PCDH15: variants seen among roughly 807,000 people sequenced by gnomAD.
The protein encoded by PCDH15 is protocadherin-15.
PCDH15 carries 129 observed loss-of-function variants against 178.5 expected under a neutral mutation model. The ratio of observed to expected loss-of-function variants is 0.72; its 90% CI spans 0.63 to 0.84. PCDH15 has a LOEUF of 0.84. Among genes scored for constraint, PCDH15 ranks in the 40% least tolerant of loss-of-function variants. The pLI, the probability that PCDH15 is intolerant of heterozygous loss-of-function variation, is 0.00. For synonymous variants in PCDH15, 800 were observed against 732.0 expected, an observed-to-expected ratio of 1.09 and a Z score of -1.50; for missense variants, 2,230 against 2,099.9, an observed-to-expected ratio of 1.06 and a Z score of -1.21.
intron 3 of PCDH15, among the ~76,000 whole-genome samples, chr10:54,383,539 G>A (rs578085354): frequency 6.6e-6 from 1 of 151,744 alleles, no homozygotes; most frequent in South Asian, 2.1e-4. Flanking sequence ...TATACCCTCA[G>A]AATATTGCAA....
In PCDH15 at chr10:53,807,121, T is replaced by G. The variant is rs766725622; in HGVS notation, c.4681A>C (p.Lys1561Gln). Residue 1561 changes from lysine to glutamine, a missense_variant, in exon 38 of 38, where the codon AAA (lysine) becomes CAA (glutamine). Transcript: ENST00000644397. ...EEYEEEEWAR[K>Q]RMIKLVVDRE... ...TCAACAACTAACTTGATCATTCTTT[T>G]TCTTGCCCACTGATAAAATAAACAA... 6.3e-7 allele frequency: 1 copy of G among 1,592,732 alleles called. No homozygotes were observed. The highest frequency in any genetic ancestry group is 1.1e-5 in the South Asian group (1 of 87,748).
chr10:55,562,785 T>C (rs764746508), intron 2 of PCDH15, among the ~76,000 whole-genome samples: 2 of 151,974 alleles, frequency 1.3e-5, no homozygotes, highest in Non-Finnish European at 2.9e-5. Flanking sequence ...TAGACAGTGA[T>C]GTCATTCACG....
intron 7 of PCDH15, among the ~76,000 whole-genome samples, chr10:54,324,634 G>A (rs1294193856): frequency 6.6e-6 from 1 of 151,982 alleles, no homozygotes; most frequent in African/African-American, 2.4e-5. Context: ...GGGAGTGGTG[G>A]CACATGCCTG....
intron 1 of PCDH15, among the ~76,000 whole-genome samples, chr10:54,760,740 G>T (rs1405253058): frequency 6.6e-6 from 1 of 152,072 alleles, no homozygotes; most frequent in East Asian, 1.9e-4. Context: ...CAGAAAAAAT[G>T]CAAAGTTAGG....
chr10:55,483,359 A>C (rs771756786), intron 2 of PCDH15, among the ~76,000 whole-genome samples: 2 of 151,990 alleles, frequency 1.3e-5, no homozygotes, highest in Middle Eastern at 6.8e-3. Context: ...GCTAATAATT[A>C]TATTTAGAAA....
intron 20 of PCDH15, among the ~76,000 whole-genome samples, chr10:54,011,959 A>G (rs2092600620): frequency 6.6e-6 from 1 of 152,212 alleles, no homozygotes. Context: ...AATGAAAGAA[A>G]TAGAATTCAG....
At chr10:53,809,278 G>T in intron 37 of PCDH15, 1 of 1,613,938 alleles carries the variant, frequency 6.2e-7, no homozygotes, top group South Asian at 1.1e-5. Flanking sequence ...GCTTTCTGTT[G>T]CTTCCTCTTG....
chr10:54,236,184 A>G (rs1351959759), intron 9 of PCDH15, among the ~76,000 whole-genome samples: 1 of 152,214 alleles, frequency 6.6e-6, no homozygotes, highest in Non-Finnish European at 1.5e-5. Flanking sequence ...AGGCTATGCA[A>G]ATCAGCAACA....
At chr10:55,449,559 G>T (rs573681000) in intron 2 of PCDH15, among the ~76,000 whole-genome samples, 1 of 151,998 alleles carries the variant, frequency 6.6e-6, no homozygotes, top group South Asian at 2.1e-4. Context: ...AATTTTTAAA[G>T]AACTAAAACT....
chr10:54,648,550 G>A (rs1434683851), intron 2 of PCDH15, among the ~76,000 whole-genome samples: 1 of 152,120 alleles, frequency 6.6e-6, no homozygotes, highest in Non-Finnish European at 1.5e-5. Context: ...ATAAAGCTAT[G>A]TAATTTTGTG....
chr10:54,624,416 G>C (rs553488690), intron 2 of PCDH15, among the ~76,000 whole-genome samples: 3 of 152,152 alleles, frequency 2.0e-5, no homozygotes, highest in Non-Finnish European at 4.4e-5. Context: ...AACATTAAAA[G>C]TGTCATAAAG....
chr10:55,353,784 C>T (rs1845003715), intron 2 of PCDH15, among the ~76,000 whole-genome samples: 1 of 152,056 alleles, frequency 6.6e-6, no homozygotes, highest in Non-Finnish European at 1.5e-5. Flanking sequence ...ACAAAACCCT[C>T]CTTGGTGCCT....
At chr10:54,141,372 A>G (rs1332377563) in intron 14 of PCDH15, among the ~76,000 whole-genome samples, 7 of 152,164 alleles carry the variant, frequency 4.6e-5, no homozygotes, top group African/African-American at 7.2e-5. Flanking sequence ...AATCTTATAA[A>G]AGACTTATTT....
intron 15 of PCDH15, among the ~76,000 whole-genome samples, chr10:54,124,645 A>C (rs1768525994): frequency 6.6e-6 from 1 of 152,312 alleles, no homozygotes; most frequent in South Asian, 2.1e-4. Context: ...AATCCTTGTA[A>C]TACACGTGAC....
chr10:54,822,010 C>A (rs1953050276), intron 3 of PCDH15, among the ~76,000 whole-genome samples: 1 of 152,080 alleles, frequency 6.6e-6, no homozygotes, highest in South Asian at 2.1e-4. Context: ...TTTTAATAAC[C>A]TTTTTATGTT....
chr10:54,032,161 A>G (rs2135429539), intron 18 of PCDH15, among the ~76,000 whole-genome samples: 1 of 152,028 alleles, frequency 6.6e-6, no homozygotes, highest in East Asian at 1.9e-4. Context: ...ATTTTGCCAT[A>G]CTAACCATGC....
chr10:54,225,423 A>T (rs903244254), intron 9 of PCDH15, among the ~76,000 whole-genome samples: 8 of 152,204 alleles, frequency 5.3e-5, no homozygotes, highest in Non-Finnish European at 8.8e-5. Context: ...AGTTCTCTAC[A>T]CATTTTCCAA....
At chr10:55,378,625 T>C (rs1490556131) in intron 2 of PCDH15, among the ~76,000 whole-genome samples, 2 of 152,126 alleles carry the variant, frequency 1.3e-5, no homozygotes, top group East Asian at 1.9e-4. Context: ...AAAAATTCTA[T>C]AACCATTTGT....
intron 3 of PCDH15, among the ~76,000 whole-genome samples, chr10:54,512,975 G>A (rs1012692495): frequency 2.6e-5 from 4 of 151,788 alleles, no homozygotes; most frequent in African/African-American, 9.7e-5. Context: ...CATACCACAT[G>A]ACAAGGCTGA....
Sources: allele counts gnomAD v4.1 joint callset (sites outside exome capture counted in the v4.1 genomes callset), GRCh38; gene constraint gnomAD v4.1.1; transcripts MANE v1.5; gene names NCBI Gene and HGNC (gene_info 2026-07-23, HGNC 2026-07-21).